ADAM18: variants seen among roughly 807,000 people sequenced by gnomAD.
ADAM18 encodes the protein disintegrin and metalloproteinase domain-containing protein 18.
A neutral mutation model predicts 94.4 loss-of-function variants in ADAM18; 117 were observed. The ratio of observed to expected loss-of-function variants is 1.24; its 90% CI spans 1.07 to 1.45. ADAM18 has a LOEUF of 1.45. Ranked by LOEUF, ADAM18 falls within the 40% of genes most tolerant of loss-of-function variation. ADAM18 has a pLI of 0.00. For synonymous variants in ADAM18, 327 were observed against 291.6 expected (o/e 1.12, Z -1.24); for missense variants, 936 against 880.0 (o/e 1.06, Z -0.81).
At chr8:39,600,449 AT>A (rs1242251359) in intron 2 of ADAM18, among the ~76,000 whole-genome samples, 1 of 152,186 alleles carries the variant, frequency 6.6e-6, no homozygotes. Flanking sequence ...TTGGCATAAA[AT>A]AAGGTATATC....
intron 7 of ADAM18, among the ~76,000 whole-genome samples, chr8:39,636,589 A>G (rs1820081279): frequency 6.6e-6 from 1 of 152,130 alleles, no homozygotes; most frequent in Non-Finnish European, 1.5e-5. Flanking sequence ...TTTAAGATGT[A>G]TACATCATAA....
intron 16 of ADAM18, among the ~76,000 whole-genome samples, chr8:39,682,305 T>A (rs1173292696): frequency 6.6e-6 from 1 of 152,218 alleles, no homozygotes; most frequent in East Asian, 1.9e-4. Flanking sequence ...ATGTCTTTTG[T>A]TTAATGTAAT....
In ADAM18 at chr8:39,722,034, T is replaced by TGC. The variant is rs1452318205; in HGVS notation, c.2018-1713_2018-1712dup. ...GGATAAAGAACACATTATATATATA[T>TGC]GCACACACATATATATTTATCATGT... On this transcript the variant is annotated intron_variant, in intron 18 of 19. Coordinates refer to ENST00000265707, the MANE Select transcript of ADAM18 (RefSeq NM_014237.3). 2.0e-5 allele frequency among the ~76,000 whole-genome samples: 3 copies of TGC among 150,524 alleles called. No individual in the cohort carries two copies. In the East Asian group the frequency reaches 5.8e-4, roughly 29 times the overall value.
intron 17 of ADAM18, among the ~76,000 whole-genome samples, chr8:39,698,290 T>A (rs993218): frequency 0.51 from 76,592 of 151,610 alleles, 21,524 homozygotes; most frequent in Non-Finnish European, 0.63. Flanking sequence ...ATTTCAATTG[T>A]GTGGGGAAAT....
In ADAM18 at chr8:39,728,643, T is replaced by G. The variant is rs1302495848; in HGVS notation, c.2178-1255T>G. Among the ~76,000 whole-genome samples the G allele has an allele frequency of 3.3e-5, 5 of 152,154 alleles. No homozygotes were observed. In the South Asian group the frequency reaches 8.3e-4, roughly 25 times the overall value. On this transcript the variant is annotated intron_variant, in intron 19 of 19. Coordinates refer to ENST00000265707, the MANE Select transcript of ADAM18 (RefSeq NM_014237.3). ...AAGCACATGGTTAAAAAGTAAATAC[T>G]TCAGTGAAATAAAAATCTTGGCTAT...
At chr8:39,722,406 A>G (rs889057145) in intron 18 of ADAM18, among the ~76,000 whole-genome samples, 1 of 151,140 alleles carries the variant, frequency 6.6e-6, no homozygotes, top group African/African-American at 2.4e-5. Context: ...CATTAACCTA[A>G]GTGAAATAAC....
At chr8:39,644,051 CAT>C (rs1820310052) in intron 10 of ADAM18, among the ~76,000 whole-genome samples, 1 of 151,902 alleles carries the variant, frequency 6.6e-6, no homozygotes, top group Non-Finnish European at 1.5e-5. Context: ...TGTTTTCAGT[CAT>C]ATACATACAA....
At chr8:39,594,623 C>T (rs780557520) in intron 2 of ADAM18, among the ~76,000 whole-genome samples, 14 of 150,638 alleles carry the variant, frequency 9.3e-5, no homozygotes, top group Non-Finnish European at 1.6e-4. Context: ...TTTTTTTCAT[C>T]GTATTTATGT....
chr8:39,626,326 A>T (rs887133705), intron 6 of ADAM18, among the ~76,000 whole-genome samples: 1 of 152,014 alleles, frequency 6.6e-6, no homozygotes, highest in African/African-American at 2.4e-5. Flanking sequence ...CTAATGGTCT[A>T]TTAGTTTTGT....
intron 16 of ADAM18, 64 bp from the exon 17 acceptor site, chr8:39,692,536 T>C (rs879091744): frequency 4.6e-5 from 45 of 970,780 alleles, no homozygotes; most frequent in Middle Eastern, 2.2e-4. Flanking sequence ...TAGAAATCAT[T>C]AATGTTTTTT....
intron 6 of ADAM18, among the ~76,000 whole-genome samples, chr8:39,625,473 C>T (rs1819733447): frequency 6.6e-6 from 1 of 152,052 alleles, no homozygotes; most frequent in Non-Finnish European, 1.5e-5. Context: ...ATGATTATAA[C>T]ATTGGTAGAC....
At position 39,626,529 on chromosome 8, in the gene ADAM18, G is replaced by A. The variant is rs530475243; in HGVS notation, c.523-2845G>A. Among the ~76,000 whole-genome samples, 9 of 152,000 alleles carry A rather than the reference G, an allele frequency of 5.9e-5. No homozygotes were observed. The South Asian group carries it at 1.7e-3, about 28-fold the overall frequency. ...TTTGTGGTCTTTCAGTCTTTTTGATGTAGGCATTTGGTGCTATAAACTTTC... is the reference window on the plus strand; with the variant it reads ...TTTGTGGTCTTTCAGTCTTTTTGATATAGGCATTTGGTGCTATAAACTTTC... On this transcript the variant is annotated intron_variant, in intron 6 of 19. Coordinates refer to ENST00000265707, the MANE Select transcript of ADAM18 (RefSeq NM_014237.3).
intron 6 of ADAM18, chr8:39,611,606 G>C: frequency 1.0e-6 from 1 of 984,512 alleles, no homozygotes; most frequent in Non-Finnish European, 1.2e-6. Flanking sequence ...GATATGGAAA[G>C]CTGGAAACAG....
chr8:39,647,168 T>C (rs1820405541), intron 11 of ADAM18, among the ~76,000 whole-genome samples: 1 of 151,298 alleles, frequency 6.6e-6, no homozygotes, highest in Non-Finnish European at 1.5e-5. Flanking sequence ...TTATTGATTA[T>C]TATTTTCATT....
chr8:39,684,009 G>A (rs1445508022), intron 16 of ADAM18, among the ~76,000 whole-genome samples: 2 of 152,092 alleles, frequency 1.3e-5, no homozygotes, highest in African/African-American at 4.8e-5. Context: ...GCCAGGTATG[G>A]TGGCACACAC....
At chr8:39,585,093 C>A (rs1818359098) in intron 1 of ADAM18, among the ~76,000 whole-genome samples, 183 bp from the exon 2 acceptor site, 1 of 152,076 alleles carries the variant, frequency 6.6e-6, no homozygotes, top group Admixed American at 6.6e-5. Context: ...GTGTCTTAGC[C>A]ATTTTCAATG....
intron 18 of ADAM18, among the ~76,000 whole-genome samples, chr8:39,707,667 G>A (rs567800732): frequency 6.6e-6 from 1 of 151,858 alleles, no homozygotes; most frequent in Non-Finnish European, 1.5e-5. Context: ...TGTATATTTT[G>A]TATGTATATT....
At chr8:39,635,205 T>A (rs1020476820) in intron 7 of ADAM18, among the ~76,000 whole-genome samples, 2 of 152,218 alleles carry the variant, frequency 1.3e-5, no homozygotes, top group African/African-American at 2.4e-5. Context: ...TTCTCTTTTT[T>A]ATAATACCCA....
In ADAM18 at chr8:39,729,970, C is replaced by T. The variant is rs767283735; in HGVS notation, c.*30C>T. 1.3e-6 allele frequency: 2 copies of T among 1,594,170 alleles called. No homozygotes were observed. The highest frequency in any genetic ancestry group is 1.7e-6 in the Non-Finnish European group (2 of 1,162,088). On this transcript the variant is annotated 3_prime_UTR_variant, in exon 20 of 20. Transcript: ENST00000265707. ...GCACAGAACTTCCATAGCAAATAAC[C>T]TAAAGGAACGAATGTGCTTTATTTA...
Sources: allele counts gnomAD v4.1 joint callset (sites outside exome capture counted in the v4.1 genomes callset), GRCh38; gene constraint gnomAD v4.1.1; transcripts MANE v1.5; gene names NCBI Gene and HGNC (gene_info 2026-07-23, HGNC 2026-07-21).